SYT1: variants seen among roughly 807,000 people sequenced by gnomAD.
The protein encoded by SYT1 is synaptotagmin 1.
SYT1 carries 8 observed loss-of-function variants against 44.8 expected under a neutral mutation model. The observed-to-expected ratio is 0.18, with a 90% confidence interval of 0.10 to 0.32. The LOEUF (loss-of-function observed/expected upper bound fraction) is 0.32, where lower values mean the gene tolerates loss of function less well. SYT1 is among the 10% of genes least tolerant of loss of function. The probability of loss-of-function intolerance (pLI) is 1.00; values close to 1 mark genes in which losing one functional copy is unlikely to be tolerated. For missense variants in SYT1, 286 were observed against 509.3 expected (o/e 0.56, Z 4.22); for synonymous variants, 154 against 188.8 (o/e 0.82, Z 1.51).
At position 78,974,741 on chromosome 12, in the gene SYT1, A is replaced by T. The variant is rs1228642984; in HGVS notation, c.-216-3058A>T. On this transcript the variant is annotated intron_variant, in intron 1 of 10. Transcript: ENST00000261205. ...GTGAGCCACCGCCCCCGGCCCTGAA[A>T]ATTATTTTTTAAACCAATATAATAG... 2.6e-5 allele frequency among the ~76,000 whole-genome samples: 4 copies of T among 152,122 alleles called. No individual in the cohort carries two copies. In the East Asian group the frequency reaches 7.7e-4, roughly 29 times the overall value.
chr12:79,105,357 A>G (rs975271043), intron 3 of SYT1, among the ~76,000 whole-genome samples: 1 of 152,194 alleles, frequency 6.6e-6, no homozygotes, highest in Non-Finnish European at 1.5e-5. Context: ...TATTTTGAAG[A>G]ACAGAATTGA....
intron 1 of SYT1, among the ~76,000 whole-genome samples, chr12:78,930,581 C>G (rs991018805): frequency 1.3e-5 from 2 of 151,708 alleles, no homozygotes; most frequent in South Asian, 4.2e-4. Flanking sequence ...AAAGGATGAT[C>G]GAAGCCTCAA....
Position 78,879,043 on chromosome 12 carries a change from C to T in SYT1, c.-217+13934C>T, listed in dbSNP as rs562635342. On this transcript the variant is annotated intron_variant, in intron 1 of 10. Coordinates refer to ENST00000261205, the MANE Select transcript of SYT1 (RefSeq NM_005639.3). Reference sequence around the variant, plus strand: ...ACAGTCCATTAGCCAGACCCAGTCACGTGGCTCCTAATTACAAGGATATAG... The same window carrying T: ...ACAGTCCATTAGCCAGACCCAGTCATGTGGCTCCTAATTACAAGGATATAG... Among the ~76,000 whole-genome samples, 88 of 151,768 alleles carry T rather than the reference C, an allele frequency of 5.8e-4. 1 individual carries two copies. The highest frequency in any genetic ancestry group is 1.5e-3 in the African/African-American group (63 of 41,488).
chr12:79,089,497 G>GA (rs1317760421), intron 3 of SYT1, among the ~76,000 whole-genome samples: 1,134 of 68,550 alleles, frequency 0.017, 18 homozygotes, highest in East Asian at 0.098. Flanking sequence ...GAAGTCAACT[G>GA]AAAAAAAAAA....
intron 6 of SYT1, 51 bp from the exon 7 acceptor site, chr12:79,296,017 TC>T: frequency 3.2e-6 from 5 of 1,546,164 alleles, no homozygotes; most frequent in Non-Finnish European, 4.4e-6. Flanking sequence ...ATCGATCTTT[TC>T]CAAAATGTCC....
At chr12:79,324,268 A>G (rs753175752) in intron 8 of SYT1, among the ~76,000 whole-genome samples, 2 of 152,112 alleles carry the variant, frequency 1.3e-5, no homozygotes, top group African/African-American at 4.8e-5. Context: ...TTTTCAATAT[A>G]CAAAAATACA....
chr12:78,937,948 G>C (rs575267067), intron 1 of SYT1, among the ~76,000 whole-genome samples: 1 of 152,182 alleles, frequency 6.6e-6, no homozygotes, highest in African/African-American at 2.4e-5. Flanking sequence ...AGATGTGACT[G>C]GTATTGCTGA....
chr12:78,986,094 C>G (rs1869621854), intron 2 of SYT1, among the ~76,000 whole-genome samples: 1 of 151,960 alleles, frequency 6.6e-6, no homozygotes, highest in Non-Finnish European at 1.5e-5. Flanking sequence ...CAGTATTTCC[C>G]CACCAGTTTC....
At chr12:79,053,641 T>A (rs1874705883) in intron 3 of SYT1, among the ~76,000 whole-genome samples, 1 of 149,350 alleles carries the variant, frequency 6.7e-6, no homozygotes, top group Admixed American at 6.7e-5. Context: ...ATAAAATATA[T>A]TGATTTTTAA....
At chr12:78,935,740 T>C (rs990281487) in intron 1 of SYT1, among the ~76,000 whole-genome samples, 1 of 152,154 alleles carries the variant, frequency 6.6e-6, no homozygotes, top group African/African-American at 2.4e-5. Context: ...AGATAGCAGT[T>C]AAAAGAAGTA....
At chr12:79,235,766 T>C (rs780118944) in intron 4 of SYT1, among the ~76,000 whole-genome samples, 4 of 151,832 alleles carry the variant, frequency 2.6e-5, no homozygotes, top group African/African-American at 4.8e-5. Flanking sequence ...AAGATATGAA[T>C]GGCTAAGTTC....
intron 3 of SYT1, among the ~76,000 whole-genome samples, chr12:79,145,979 G>A (rs113641325): frequency 6.6e-6 from 1 of 151,746 alleles, no homozygotes; most frequent in Non-Finnish European, 1.5e-5. Flanking sequence ...GGATGGTCTC[G>A]ATCTCCTGAC....
chr12:79,061,021 G>T (rs1875341593), intron 3 of SYT1, among the ~76,000 whole-genome samples: 1 of 152,002 alleles, frequency 6.6e-6, no homozygotes, highest in Admixed American at 6.6e-5. Context: ...TTCTTCAGAA[G>T]ATTCGTGAAG....
At chr12:78,882,974 G>A (rs544739303) in intron 1 of SYT1, among the ~76,000 whole-genome samples, 5 of 151,438 alleles carry the variant, frequency 3.3e-5, no homozygotes, top group Non-Finnish European at 7.4e-5. Context: ...CTAAAAAAGT[G>A]CAGTGAAAAA....
At chr12:79,053,525 A>C (rs1298078161) in intron 3 of SYT1, among the ~76,000 whole-genome samples, 1 of 150,022 alleles carries the variant, frequency 6.7e-6, no homozygotes, top group Non-Finnish European at 1.5e-5. Flanking sequence ...AAATTTAAAA[A>C]AATTCTTATA....
At chr12:79,143,361 G>C (rs575115049) in intron 3 of SYT1, among the ~76,000 whole-genome samples, 7 of 152,116 alleles carry the variant, frequency 4.6e-5, no homozygotes, top group African/African-American at 1.7e-4. Flanking sequence ...ATGTAAATTT[G>C]CTCACTGGTA....
chr12:78,865,766 C>T (rs1375863690), intron 1 of SYT1, among the ~76,000 whole-genome samples: 5 of 152,240 alleles, frequency 3.3e-5, no homozygotes, highest in African/African-American at 9.6e-5. Context: ...CAAAAATAAA[C>T]CGACAATCCA....
At chr12:79,354,925 T>C (rs1184621953) in intron 9 of SYT1, among the ~76,000 whole-genome samples, 6 of 152,216 alleles carry the variant, frequency 3.9e-5, no homozygotes, top group Non-Finnish European at 7.3e-5. Context: ...CTGTCTCTTA[T>C]GCTTTGTCCC....
intron 3 of SYT1, among the ~76,000 whole-genome samples, chr12:79,055,294 A>G (rs938364849): frequency 2.6e-5 from 4 of 151,484 alleles, no homozygotes; most frequent in Non-Finnish European, 5.9e-5. Context: ...TCTCATTGAT[A>G]TTAGTCTTTA....
Sources: gnomAD v4.1 joint callset for allele counts (sites outside exome capture counted in the v4.1 genomes callset) on GRCh38, gnomAD v4.1.1 for gene constraint, MANE v1.5 for transcripts, NCBI Gene and HGNC (gene_info 2026-07-23, HGNC 2026-07-21) for gene names.